GABRB2: variants seen among roughly 807,000 people sequenced by gnomAD.
GABRB2 encodes gamma-aminobutyric acid type A receptor subunit beta2.
A neutral mutation model predicts 54.7 loss-of-function variants in GABRB2; 16 were observed. That is an observed-to-expected ratio of 0.29 (90% CI 0.20 to 0.44). GABRB2 has a LOEUF of 0.44. Ranked by LOEUF, GABRB2 falls within the 20% of genes least tolerant of loss-of-function variation. The pLI, the probability that GABRB2 is intolerant of heterozygous loss-of-function variation, is 1.00. For missense variants in GABRB2, 355 were observed against 644.0 expected (o/e 0.55, Z 4.86); for synonymous variants, 244 against 233.8 (o/e 1.04, Z -0.40).
rs1757249153 is a variant in GABRB2 at position 161,291,917 on chromosome 5, T to C, written c.*2164A>G. ...CCCCCTGTTGACAAGGGGCAGGCACTTTACTTAGTGTGATGCCCCAAAATG... is the reference window on the plus strand; with the variant it reads ...CCCCCTGTTGACAAGGGGCAGGCACCTTACTTAGTGTGATGCCCCAAAATG... On this transcript the variant is annotated 3_prime_UTR_variant, in exon 10 of 10. Transcript: ENST00000393959. 1 of 152,166 alleles carries C rather than the reference T, an allele frequency of 6.6e-6. No individual in the cohort carries two copies. Among genetic ancestry groups the C allele is most frequent in the African/African-American group, 2.4e-5 (1 of 41,438 alleles). 9.4% of individuals were successfully genotyped at this position (152,166 alleles called of 1,614,324 possible).
intron 3 of GABRB2, among the ~76,000 whole-genome samples, chr5:161,525,541 G>A (rs1760251877): frequency 6.6e-6 from 1 of 150,872 alleles, no homozygotes; most frequent in South Asian, 2.1e-4. Flanking sequence ...CAAATCAGAA[G>A]CCTGAAATTA....
chr5:161,423,298 G>A (rs561109011), intron 4 of GABRB2, among the ~76,000 whole-genome samples: 2 of 152,126 alleles, frequency 1.3e-5, no homozygotes, highest in East Asian at 1.9e-4. Context: ...GAAAGATTTC[G>A]AGATAGGCAT....
intron 3 of GABRB2, among the ~76,000 whole-genome samples, chr5:161,477,217 A>C (rs980516421): frequency 2.6e-5 from 4 of 151,558 alleles, no homozygotes; most frequent in Non-Finnish European, 5.9e-5. Flanking sequence ...ATGCAAATCA[A>C]AACTACAATG....
chr5:161,374,398 T>C (rs770684228), intron 5 of GABRB2, among the ~76,000 whole-genome samples: 8 of 152,202 alleles, frequency 5.3e-5, no homozygotes, highest in Non-Finnish European at 1.0e-4. Context: ...TACTTGTAAA[T>C]GAAACATCCT....
intron 4 of GABRB2, among the ~76,000 whole-genome samples, chr5:161,428,038 C>T (rs1438825347): frequency 6.6e-6 from 1 of 152,130 alleles, no homozygotes; most frequent in Admixed American, 6.6e-5. Flanking sequence ...TCTCCCCCTG[C>T]CCCATTCAAA....
chr5:161,488,359 C>T (rs73800521), intron 3 of GABRB2, among the ~76,000 whole-genome samples: 65 of 151,438 alleles, frequency 4.3e-4, no homozygotes, highest in Admixed American at 1.6e-3. Context: ...GGCCAGTAAA[C>T]CTTGTTCCTT....
chr5:161,300,047 TC>T (rs1757491971), intron 9 of GABRB2, among the ~76,000 whole-genome samples: 1 of 152,206 alleles, frequency 6.6e-6, no homozygotes, highest in Non-Finnish European at 1.5e-5. Flanking sequence ...CCCTTTCTTT[TC>T]CTTGTCTTGT....
intron 5 of GABRB2, among the ~76,000 whole-genome samples, chr5:161,407,394 C>T (rs1435535397): frequency 6.6e-6 from 1 of 152,044 alleles, no homozygotes; most frequent in Non-Finnish European, 1.5e-5. Context: ...TCAATGTCCT[C>T]CTGACAATGT....
chr5:161,352,612 T>C (rs965571915), intron 5 of GABRB2, among the ~76,000 whole-genome samples: 1 of 151,982 alleles, frequency 6.6e-6, no homozygotes, highest in Non-Finnish European at 1.5e-5. Context: ...ATAGGAGAGA[T>C]AAATTCAAAA....
chr5:161,453,193 C>T (rs1297914881), intron 4 of GABRB2, among the ~76,000 whole-genome samples: 1 of 152,176 alleles, frequency 6.6e-6, no homozygotes, highest in African/African-American at 2.4e-5. Flanking sequence ...AAGCTACTCC[C>T]AAGAAAACAT....
chr5:161,304,762 C>T (rs1355191952), intron 9 of GABRB2, among the ~76,000 whole-genome samples: 3 of 151,422 alleles, frequency 2.0e-5, no homozygotes, highest in Non-Finnish European at 4.4e-5. Context: ...ACAGTACATT[C>T]GAATTGTTAC....
At chr5:161,390,804 C>T (rs1561633678) in intron 5 of GABRB2, among the ~76,000 whole-genome samples, 1 of 152,168 alleles carries the variant, frequency 6.6e-6, no homozygotes. Flanking sequence ...CATCTAGTCT[C>T]ATCCCACAAC....
chr5:161,325,398 T>C (rs573644131), intron 9 of GABRB2, among the ~76,000 whole-genome samples: 7 of 152,080 alleles, frequency 4.6e-5, no homozygotes, highest in Non-Finnish European at 1.0e-4. Flanking sequence ...ACACAAGTAA[T>C]GAAGTCAAAA....
chr5:161,470,262 A>G (rs373352542), intron 3 of GABRB2, among the ~76,000 whole-genome samples: 3 of 151,892 alleles, frequency 2.0e-5, no homozygotes, highest in Middle Eastern at 3.4e-3. Flanking sequence ...GAGGGGAATA[A>G]TCTCCACAAC....
intron 3 of GABRB2, among the ~76,000 whole-genome samples, chr5:161,510,615 G>A (rs147332029): frequency 2.7e-4 from 41 of 151,972 alleles, no homozygotes; most frequent in African/African-American, 9.9e-4. Flanking sequence ...CTATGGCCTT[G>A]AGGATAATAA....
chr5:161,502,405 T>C (rs1480346571), intron 3 of GABRB2, among the ~76,000 whole-genome samples: 1 of 152,156 alleles, frequency 6.6e-6, no homozygotes, highest in South Asian at 2.1e-4. Flanking sequence ...TGGGCTAATC[T>C]ACAAATCTAA....
intron 4 of GABRB2, among the ~76,000 whole-genome samples, chr5:161,417,705 G>A (rs1047149792): frequency 1.3e-5 from 2 of 152,046 alleles, no homozygotes; most frequent in Non-Finnish European, 2.9e-5. Flanking sequence ...AGTCAATTAT[G>A]TAGATTAGCC....
intron 3 of GABRB2, among the ~76,000 whole-genome samples, chr5:161,540,004 G>T (rs1370087947): frequency 6.6e-6 from 1 of 152,194 alleles, no homozygotes; most frequent in East Asian, 1.9e-4. Flanking sequence ...ACTGAGCAGG[G>T]TTGTGGTTGC....
chr5:161,385,462 T>C (rs1755595696), intron 5 of GABRB2, among the ~76,000 whole-genome samples: 1 of 152,176 alleles, frequency 6.6e-6, no homozygotes, highest in Non-Finnish European at 1.5e-5. Context: ...TGTCATTTCA[T>C]AGTATCCTTA....
Sources: gnomAD v4.1 joint callset for allele counts (sites outside exome capture counted in the v4.1 genomes callset) on GRCh38, gnomAD v4.1.1 for gene constraint, MANE v1.5 for transcripts, NCBI Gene and HGNC (gene_info 2026-07-23, HGNC 2026-07-21) for gene names.